Variants in DCDC1 observed in about 807,000 individuals in gnomAD.
The protein encoded by DCDC1 is doublecortin domain containing 1, also known as doublecortin domain-containing protein 1.
A neutral mutation model predicts 178.3 loss-of-function variants in DCDC1; 200 were observed. That is an observed-to-expected ratio of 1.12 (90% confidence interval 1.00 to 1.26). The LOEUF (loss-of-function observed/expected upper bound fraction) is 1.26. Ranked by LOEUF, DCDC1 falls within the 50% of genes most tolerant of loss-of-function variation. The pLI, the probability that DCDC1 is intolerant of heterozygous loss-of-function variation, is 0.00. For missense variants in DCDC1, 1,983 were observed against 1,749.2 expected (o/e 1.13, Z -2.38); for synonymous variants, 690 against 604.8 (o/e 1.14, Z -2.07).
At chr11:31,187,791 T>C (rs1025736001) in intron 9 of DCDC1, among the ~76,000 whole-genome samples, 2 of 152,204 alleles carry the variant, frequency 1.3e-5, no homozygotes, top group East Asian at 3.9e-4. Flanking sequence ...TGAGGATTCA[T>C]AGTCTAATCA....
At chr11:31,311,187 G>A (rs1399945685) in intron 3 of DCDC1, among the ~76,000 whole-genome samples, 1 of 152,104 alleles carries the variant, frequency 6.6e-6, no homozygotes, top group South Asian at 2.1e-4. Flanking sequence ...CACAGGATAG[G>A]ACACCCCTGT....
intron 20 of DCDC1, among the ~76,000 whole-genome samples, chr11:30,978,008 A>C (rs1200084398): frequency 6.6e-6 from 1 of 152,236 alleles, no homozygotes; most frequent in Non-Finnish European, 1.5e-5. Flanking sequence ...GTATATTGCC[A>C]TATTGTTCTC....
At position 31,072,818 on chromosome 11, in the gene DCDC1, G is replaced by A. The variant is rs566267409; in HGVS notation, c.2298+5047C>T. On this transcript the variant is annotated intron_variant, in intron 18 of 38. Transcript: ENST00000684477. The stretch of plus-strand genomic sequence containing the variant: ...ACAAATTATCAATTTGCTGTTAAAG[G>A]CCAGGATCTGTGCCAAATACTTAAA... Among the ~76,000 whole-genome samples the A allele has an allele frequency of 2.0e-5, 3 of 151,984 alleles. No individual in the cohort carries two copies. In the East Asian group the frequency reaches 5.8e-4, roughly 29 times the overall value.
At position 31,102,279 on chromosome 11, in the gene DCDC1, C is replaced by T. The variant is rs760067460; in HGVS notation, c.1881G>A (p.Trp627Ter). Residue 627 changes from tryptophan (W) to a stop codon, truncating the protein, a stop_gained, in exon 15 of 39, where the codon TGG (tryptophan) becomes TGA (stop). Transcript: ENST00000684477. LOFTEE classifies it high-confidence loss of function. ...NAVLLPGCGNWEVCEGFPINF... is the reference protein window; with the variant it reads ...NAVLLPGCGN The stretch of plus-strand genomic sequence containing the variant: ...TAATTGGAAATCCCTCACAAACTTC[C>T]CAACTAAGAAAAGTAAAATACGTAA... 17 of 691,568 alleles carry T rather than the reference C, an allele frequency of 2.5e-5. No individual in the cohort carries two copies. Among genetic ancestry groups the T allele is most frequent in the Non-Finnish European group, 4.6e-5 (17 of 372,284 alleles). 42.8% of individuals were successfully genotyped at this position (691,568 alleles called of 1,614,324 possible). A position where few individuals can be genotyped will look rare whatever the true frequency, so the allele number is the denominator to read the frequency against.
intron 9 of DCDC1, among the ~76,000 whole-genome samples, chr11:31,192,534 G>A (rs1970246275): frequency 6.6e-6 from 1 of 151,984 alleles, no homozygotes; most frequent in Non-Finnish European, 1.5e-5. Flanking sequence ...CTTCCCTAAG[G>A]CCTAATCATG....
At chr11:31,093,966 G>A in intron 16 of DCDC1, 84 bp downstream of exon 16, 1 of 717,198 alleles carries the variant, frequency 1.4e-6, no homozygotes, top group South Asian at 1.5e-5. Flanking sequence ...ATGCCCATGT[G>A]CATGAGAGCA....
At chr11:30,996,213 G>C (rs1042866170) in intron 20 of DCDC1, among the ~76,000 whole-genome samples, 8 of 151,978 alleles carry the variant, frequency 5.3e-5, no homozygotes, top group African/African-American at 1.9e-4. Context: ...CATAATGAAC[G>C]ATCACCACAC....
chr11:31,260,093 G>A (rs1158339519), intron 8 of DCDC1, among the ~76,000 whole-genome samples: 1 of 152,196 alleles, frequency 6.6e-6, no homozygotes, highest in Admixed American at 6.5e-5. Context: ...ACCCACTCCA[G>A]GAGCCCAGAC....
intron 20 of DCDC1, among the ~76,000 whole-genome samples, chr11:31,013,251 T>C (rs139221954): frequency 6.6e-6 from 1 of 152,304 alleles, no homozygotes; most frequent in East Asian, 1.9e-4. Context: ...AACTATTGAA[T>C]AACCTTTTCT....
At chr11:31,216,587 A>T (rs761359737) in intron 9 of DCDC1, among the ~76,000 whole-genome samples, 3 of 152,206 alleles carry the variant, frequency 2.0e-5, no homozygotes, top group Admixed American at 2.0e-4. Flanking sequence ...AAATCAAACT[A>T]GAGATTTTTG....
intron 1 of DCDC1, among the ~76,000 whole-genome samples, chr11:31,352,288 CTTAT>C (rs1951110999): frequency 1.3e-5 from 2 of 152,056 alleles, no homozygotes; most frequent in Admixed American, 1.3e-4. Context: ...GAGAAACATC[CTTAT>C]CGTGTATATG....
intron 20 of DCDC1, among the ~76,000 whole-genome samples, chr11:31,052,400 T>C (rs545720418): frequency 1.8e-4 from 28 of 152,204 alleles, no homozygotes; most frequent in African/African-American, 6.5e-4. Context: ...AACACAATAA[T>C]AGTGGGGGGC....
At chr11:31,282,027 G>A (rs1287551951) in intron 7 of DCDC1, among the ~76,000 whole-genome samples, 1 of 152,076 alleles carries the variant, frequency 6.6e-6, no homozygotes, top group Non-Finnish European at 1.5e-5. Flanking sequence ...TTGCATCTAT[G>A]ATTAGGAGGA....
chr11:31,019,010 A>G (rs991596800), intron 20 of DCDC1, among the ~76,000 whole-genome samples: 16 of 152,156 alleles, frequency 1.1e-4, no homozygotes, highest in Admixed American at 9.2e-4. Flanking sequence ...ATGGTTGGGA[A>G]GGGAGATGCT....
At chr11:30,889,642 G>C (rs1000731063) in intron 36 of DCDC1, among the ~76,000 whole-genome samples, 5 of 152,062 alleles carry the variant, frequency 3.3e-5, no homozygotes, top group Non-Finnish European at 7.4e-5. Context: ...CCTAACTGAT[G>C]ACAAAGAATC....
chr11:30,939,407 G>A (rs532441194), intron 21 of DCDC1, among the ~76,000 whole-genome samples: 17 of 152,316 alleles, frequency 1.1e-4, no homozygotes, highest in African/African-American at 4.1e-4. Context: ...AATGGACTTA[G>A]AGGCACAAAG....
chr11:31,139,419 G>T (rs930645807), intron 9 of DCDC1, among the ~76,000 whole-genome samples: 1 of 152,162 alleles, frequency 6.6e-6, no homozygotes, highest in Non-Finnish European at 1.5e-5. Flanking sequence ...GGAAGCCTAG[G>T]TGTGAACCAT....
chr11:31,336,456 A>G (rs1040693408), intron 1 of DCDC1, among the ~76,000 whole-genome samples: 1 of 152,240 alleles, frequency 6.6e-6, no homozygotes, highest in Admixed American at 6.5e-5. Context: ...GACACAACAC[A>G]GGACCTTGCA....
intron 34 of DCDC1, among the ~76,000 whole-genome samples, chr11:30,896,097 T>C (rs1400261201): frequency 6.6e-6 from 1 of 152,240 alleles, no homozygotes; most frequent in Admixed American, 6.5e-5. Flanking sequence ...AGAGACATAA[T>C]GTCATCACAA....
Sources: gnomAD v4.1 joint callset for allele counts (sites outside exome capture counted in the v4.1 genomes callset) on GRCh38, gnomAD v4.1.1 for gene constraint, MANE v1.5 for transcripts, NCBI Gene and HGNC (gene_info 2026-07-23, HGNC 2026-07-21) for gene names.